HDGFL3: variants seen among roughly 807,000 people sequenced by gnomAD.
HDGFL3 encodes hepatoma-derived growth factor-related protein 3.
Under a neutral mutation model 27.6 loss-of-function variants are expected in HDGFL3, and 6 were observed. That is an observed-to-expected ratio of 0.22 (90% CI 0.12 to 0.43). The LOEUF is 0.43. Among genes scored for constraint, HDGFL3 ranks in the 20% least tolerant of loss-of-function variants. The pLI is 1.00. For missense variants in HDGFL3, 207 were observed against 250.1 expected (o/e 0.83, Z 1.16); for synonymous variants, 88 against 88.9 (o/e 0.99, Z 0.05).
Position 83,151,198 on chromosome 15 carries a change from T to C in HDGFL3, c.606+17A>G, listed in dbSNP as rs1403944740. On this transcript the variant is annotated intron_variant, in intron 5 of 5. Coordinates refer to ENST00000299633, the MANE Select transcript of HDGFL3 (RefSeq NM_016073.4). ...TCTTCTAATAGAAGGTAAGAGAAATTATAAGCACATCCTTACCCCTTCACT... is the reference window on the plus strand; with the variant it reads ...TCTTCTAATAGAAGGTAAGAGAAATCATAAGCACATCCTTACCCCTTCACT... 6.2e-7 allele frequency: 1 copy of C among 1,601,802 alleles called. No homozygotes were observed. The highest frequency in any genetic ancestry group is 1.7e-5 in the Admixed American group (1 of 57,264).
chr15:83,185,122 C>A (rs574198426), intron 1 of HDGFL3: 2 of 152,262 alleles, frequency 1.3e-5, no homozygotes, highest in African/African-American at 4.8e-5. Flanking sequence ...CTCCCGGGTT[C>A]AAGCAATTCT....
chr15:83,126,789 T>C (rs985714910), downstream of HDGFL3: 2 of 1,613,972 alleles, frequency 1.2e-6, no homozygotes, highest in Non-Finnish European at 1.7e-6. Flanking sequence ...CTCTGCCGAT[T>C]ATATACGCAA....
intron 2 of HDGFL3, among the ~76,000 whole-genome samples, chr15:83,162,227 A>C (rs2037110692): frequency 6.6e-6 from 1 of 152,212 alleles, no homozygotes; most frequent in Non-Finnish European, 1.5e-5. Flanking sequence ...GCCTTCAGAG[A>C]GGGTGAACAT....
At chr15:83,164,200 T>C in intron 1 of HDGFL3, 125 bp from the exon 2 acceptor site, 1 of 645,752 alleles carries the variant, frequency 1.5e-6, no homozygotes, top group Non-Finnish European at 2.5e-6. Context: ...TTTTAGAACT[T>C]TACAAAATGA....
At chr15:83,166,693 T>C (rs2151407282) in intron 1 of HDGFL3, among the ~76,000 whole-genome samples, 1 of 152,184 alleles carries the variant, frequency 6.6e-6, no homozygotes, top group East Asian at 1.9e-4. Context: ...TCAGGGGACC[T>C]CAGGAAACTT....
At chr15:83,187,981 T>C (rs548220754) in intron 1 of HDGFL3, among the ~76,000 whole-genome samples, 3 of 152,168 alleles carry the variant, frequency 2.0e-5, no homozygotes, top group Admixed American at 6.5e-5. Context: ...TTGAGGAGAT[T>C]GTTGGATCAT....
intron 1 of HDGFL3, among the ~76,000 whole-genome samples, chr15:83,202,694 A>C (rs2037663165): frequency 6.6e-6 from 1 of 152,152 alleles, no homozygotes; most frequent in Non-Finnish European, 1.5e-5. Flanking sequence ...CACAAATCTT[A>C]AATGTACAGC....
intron 1 of HDGFL3, among the ~76,000 whole-genome samples, chr15:83,165,093 T>C (rs936642169): frequency 1.3e-5 from 2 of 152,244 alleles, no homozygotes; most frequent in Non-Finnish European, 2.9e-5. Flanking sequence ...AATGCTTACA[T>C]AGAAATGCTT....
intron 1 of HDGFL3, among the ~76,000 whole-genome samples, chr15:83,174,432 G>A (rs945253651): frequency 1.3e-5 from 2 of 150,974 alleles, no homozygotes; most frequent in Non-Finnish European, 2.9e-5. Context: ...TTGTTCCCAG[G>A]ATTTCCCATT....
At chr15:83,190,354 T>G (rs1054514626) in intron 1 of HDGFL3, among the ~76,000 whole-genome samples, 1 of 152,186 alleles carries the variant, frequency 6.6e-6, no homozygotes, top group East Asian at 1.9e-4. Context: ...TCAGAAAGTA[T>G]GCAAAATCCA....
chr15:83,155,030 G>C (rs2037011693), intron 4 of HDGFL3, among the ~76,000 whole-genome samples: 1 of 151,850 alleles, frequency 6.6e-6, no homozygotes, highest in Non-Finnish European at 1.5e-5. Context: ...ATCACTCCTG[G>C]CTAATTTTAT....
At chr15:83,203,787 T>C (rs2037681576) in intron 1 of HDGFL3, among the ~76,000 whole-genome samples, 1 of 151,354 alleles carries the variant, frequency 6.6e-6, no homozygotes, top group Non-Finnish European at 1.5e-5. Flanking sequence ...TCATCCCTTT[T>C]AGTTTCTTTT....
chr15:83,172,457 C>G (rs1419102600), intron 1 of HDGFL3, among the ~76,000 whole-genome samples: 1 of 152,112 alleles, frequency 6.6e-6, no homozygotes, highest in Non-Finnish European at 1.5e-5. Context: ...CCTATGAAGC[C>G]TTACCAATAA....
chr15:83,114,450 G>A (rs1479542065), exon 4 of HDGFL3: 1 of 152,260 alleles, frequency 6.6e-6, no homozygotes, highest in African/African-American at 2.4e-5. Flanking sequence ...ACATATGATG[G>A]CTAATCACCT....
intron 1 of HDGFL3, among the ~76,000 whole-genome samples, chr15:83,172,810 T>C (rs541252407): frequency 4.0e-4 from 56 of 138,348 alleles, no homozygotes; most frequent in African/African-American, 1.5e-3. Context: ...GACAGAGCAA[T>C]AGACTCCAGC....
At position 83,139,927 on chromosome 15, in the gene HDGFL3, G is replaced by A. The variant is rs190268300; in HGVS notation, c.607-652C>T. Among the ~76,000 whole-genome samples the A allele has an allele frequency of 3.1e-4, 47 of 152,278 alleles. 1 individual carries two copies. In the East Asian group the frequency reaches 8.1e-3, roughly 26 times the overall value. ...TTCTATTTGGGTCCCACTTTAAATT[G>A]TGTCTGGTTCTATTTCCCCAAAAGG... On this transcript the variant is annotated intron_variant, in intron 5 of 5. Coordinates refer to ENST00000299633, the MANE Select transcript of HDGFL3 (RefSeq NM_016073.4).
Position 83,132,108 on chromosome 15 carries a change from A to G in HDGFL3, c.*7162T>C, listed in dbSNP as rs918567137. 2 of 152,220 alleles carry G rather than the reference A, an allele frequency of 1.3e-5. No individual in the cohort carries two copies. Among genetic ancestry groups the G allele is most frequent in the Non-Finnish European group, 2.9e-5 (2 of 68,052 alleles). The allele number at this position is 152,220 out of a possible 1,614,324, so 9.4% of individuals were successfully genotyped here. On this transcript the variant is annotated 3_prime_UTR_variant, in exon 6 of 6. Coordinates refer to ENST00000299633, the MANE Select transcript of HDGFL3 (RefSeq NM_016073.4). ...TTTCCTCTTCTGTAAAGTGAGGATA[A>G]TAACAGTAGCTTTCTCATGGAATTG...
In HDGFL3 at chr15:83,136,904, A is replaced by T. The variant is rs2036649740; in HGVS notation, c.*2366T>A. On this transcript the variant is annotated 3_prime_UTR_variant, in exon 6 of 6. Coordinates refer to ENST00000299633, the MANE Select transcript of HDGFL3 (RefSeq NM_016073.4). ...AATATATTCAAAATCATTTGTGAATAAACTTGATCATCCATCTCAATATTG... is the reference window on the plus strand; with the variant it reads ...AATATATTCAAAATCATTTGTGAATTAACTTGATCATCCATCTCAATATTG... The T allele has an allele frequency of 3.0e-6, 1 of 335,892 alleles. No homozygotes were observed. Among genetic ancestry groups the T allele is most frequent in the Admixed American group, 4.4e-5 (1 of 22,846 alleles). 20.8% of individuals were successfully genotyped at this position (335,892 alleles called of 1,614,324 possible). A position where few individuals can be genotyped will look rare whatever the true frequency, so the allele number is the denominator to read the frequency against.
In HDGFL3 at chr15:83,143,779, G is replaced by A. The variant is rs555026240; in HGVS notation, c.607-4504C>T. Reference sequence around the variant, plus strand: ...GCAGCCACTATACTGTAGAAAGAACGGGTTCAGGGTCAGAAGAATAAAGGC... The same window carrying A: ...GCAGCCACTATACTGTAGAAAGAACAGGTTCAGGGTCAGAAGAATAAAGGC... On this transcript the variant is annotated intron_variant, in intron 5 of 5. Coordinates refer to ENST00000299633, the MANE Select transcript of HDGFL3 (RefSeq NM_016073.4). Among the ~76,000 whole-genome samples the A allele has an allele frequency of 7.9e-5, 12 of 152,256 alleles. No individual in the cohort carries two copies. The South Asian group carries it at 1.9e-3, about 24-fold the overall frequency.
Sources: allele counts gnomAD v4.1 joint callset (sites outside exome capture counted in the v4.1 genomes callset), GRCh38; gene constraint gnomAD v4.1.1; transcripts MANE v1.5; gene names NCBI Gene and HGNC (gene_info 2026-07-23, HGNC 2026-07-21).